Variants in HAUS6 observed in about 807,000 individuals in gnomAD.
HAUS6 encodes the protein HAUS augmin like complex subunit 6.
In HAUS6, 80 loss-of-function variants were observed where a neutral mutation model predicts 106.8. That is an observed-to-expected ratio of 0.75 (90% confidence interval 0.63 to 0.90). HAUS6 has a LOEUF of 0.90. HAUS6 is among the 40% of genes least tolerant of loss of function. The pLI, the probability that HAUS6 is intolerant of heterozygous loss-of-function variation, is 0.00. For missense variants in HAUS6, 1,155 were observed against 1,118.1 expected, an observed-to-expected ratio of 1.03 and a Z score of -0.47; for synonymous variants, 356 against 379.1, an observed-to-expected ratio of 0.94 and a Z score of 0.71.
intron 9 of HAUS6, among the ~76,000 whole-genome samples, chr9:19,079,831 A>C (rs112263657): frequency 0.12 from 18,204 of 151,040 alleles, 1,139 homozygotes; most frequent in South Asian, 0.17. Flanking sequence ...TGAACCCGGG[A>C]GATCACACCA....
chr9:19,071,366 C>T (rs989987119), intron 11 of HAUS6, among the ~76,000 whole-genome samples: 2 of 151,922 alleles, frequency 1.3e-5, no homozygotes, highest in South Asian at 2.1e-4. Flanking sequence ...AATTAGAAGT[C>T]CCAACAATAG....
intron 8 of HAUS6, among the ~76,000 whole-genome samples, chr9:19,081,725 C>T (rs996290472): frequency 6.6e-6 from 1 of 152,128 alleles, no homozygotes; most frequent in Non-Finnish European, 1.5e-5. Flanking sequence ...AGGTGTGAGC[C>T]ACCATACCCA....
intron 3 of HAUS6, among the ~76,000 whole-genome samples, chr9:19,093,558 A>G (rs1204522645): frequency 6.6e-6 from 1 of 152,174 alleles, no homozygotes; most frequent in Non-Finnish European, 1.5e-5. Context: ...TCATCACACT[A>G]TTTTTGAAGC....
intron 9 of HAUS6, among the ~76,000 whole-genome samples, chr9:19,078,815 A>C (rs977276922): frequency 6.8e-6 from 1 of 147,536 alleles, no homozygotes; most frequent in African/African-American, 2.5e-5. Context: ...AAAAATAAAT[A>C]AATAAATAAA....
At position 19,078,209 on chromosome 9, in the gene HAUS6, C is replaced by G; in HGVS notation, c.1158G>C (p.Leu386Phe). 1 of 1,604,626 alleles carries G rather than the reference C, an allele frequency of 6.2e-7. No homozygotes were observed. Among genetic ancestry groups the G allele is most frequent in the South Asian group, 1.1e-5 (1 of 90,768 alleles). Residue 386 changes from leucine (L) to phenylalanine (F), a missense_variant, in exon 10 of 17, where the codon TTG becomes TTC. By Grantham distance (22) the Leu-to-Phe change is conservative. Coordinates refer to ENST00000380502, the MANE Select transcript of HAUS6 (RefSeq NM_017645.5). ...WHKKWKEFLG[L>F]SPFSLIKGWT... ...AACCTTTAATTAGACTGAAAGGAGA[C>G]AAACCAAGAAATTCTTTCCACTTTT... is the stretch of plus-strand genomic sequence containing the variant.
rs1457540061 is a variant in HAUS6, at chr9:19,058,127, G to C, written c.2640C>G (p.Asn880Lys). The change falls in exon 16 of 17, where the codon AAC (asparagine) becomes AAG (lysine). Residue 880 changes from asparagine to lysine, a missense_variant. Asn to Lys is a moderately conservative substitution (Grantham distance 94). Transcript: ENST00000380502. ...PQNVQTDDTL[N>K]FLDTCDLHTE... ...TATGCAAATCACAGGTGTCCAAAAAGTTAAGCGTATCATCTGTTTGTACAT... is the reference window on the plus strand; with the variant it reads ...TATGCAAATCACAGGTGTCCAAAAACTTAAGCGTATCATCTGTTTGTACAT... 1.2e-6 allele frequency: 2 copies of C among 1,614,078 alleles called. No individual in the cohort carries two copies. Among genetic ancestry groups the C allele is most frequent in the South Asian group, 1.1e-5 (1 of 91,082 alleles).
rs1346898285 is a variant in HAUS6, at chr9:19,056,315, A to C, written c.*28T>G. 3 of 1,032,456 alleles carry C rather than the reference A, an allele frequency of 2.9e-6. No individual in the cohort carries two copies. The highest frequency in any genetic ancestry group is 4.6e-6 in the Non-Finnish European group (3 of 655,286). The allele number at this position is 1,032,456 out of a possible 1,614,324, so 64.0% of individuals were successfully genotyped here. Reference sequence around the variant, plus strand: ...TGTGGCATAGCTTCAATTTAAGTGCATCATAGTTATATTAAATGGGTACGT... The same window carrying C: ...TGTGGCATAGCTTCAATTTAAGTGCCTCATAGTTATATTAAATGGGTACGT... On this transcript the variant is annotated 3_prime_UTR_variant, in exon 17 of 17. Coordinates refer to ENST00000380502, the MANE Select transcript of HAUS6 (RefSeq NM_017645.5).
chr9:19,070,421 C>T lies in HAUS6; in HGVS notation c.1295-121G>A, dbSNP rs138056374. The T allele has an allele frequency of 1.5e-3, 927 of 629,832 alleles. 5 individuals are homozygous for T. The African/African-American group carries it at 0.016, about 11-fold the overall frequency. 39.0% of individuals were successfully genotyped at this position (629,832 alleles called of 1,614,324 possible). On this transcript the variant is annotated intron_variant, in intron 11 of 16. Coordinates refer to ENST00000380502, the MANE Select transcript of HAUS6 (RefSeq NM_017645.5). ...GAAAACAGAAAAACCAAAATATGAA[C>T]ACTAATAGGAAAACATAATTATTCA... is the stretch of plus-strand genomic sequence containing the variant.
At chr9:19,065,459 AG>A (rs1389364882) in intron 12 of HAUS6, among the ~76,000 whole-genome samples, 1 of 152,258 alleles carries the variant, frequency 6.6e-6, no homozygotes, top group Non-Finnish European at 1.5e-5. Flanking sequence ...AGTGTTACAA[AG>A]CTATTATCAA....
intron 1 of HAUS6, 49 bp from the exon 2 acceptor site, chr9:19,096,818 G>A: frequency 1.2e-6 from 1 of 850,882 alleles, no homozygotes; most frequent in Non-Finnish European, 1.9e-6. Context: ...AGGTTAATAA[G>A]CTAAACATCA....
At chr9:19,062,224 C>A (rs1452006850) in intron 14 of HAUS6, among the ~76,000 whole-genome samples, 2 of 152,138 alleles carry the variant, frequency 1.3e-5, no homozygotes, top group Non-Finnish European at 2.9e-5. Context: ...CATCTAATCA[C>A]TTCTGAAATA....
intron 14 of HAUS6, among the ~76,000 whole-genome samples, chr9:19,061,081 T>C (rs958459292): frequency 1.3e-5 from 2 of 152,222 alleles, no homozygotes; most frequent in Non-Finnish European, 2.9e-5. Flanking sequence ...GGAGAATCGC[T>C]TGAACCCGGG....
At position 19,082,751 on chromosome 9, in the gene HAUS6, CA is replaced by C. The variant is rs537493577; in HGVS notation, c.870+121del. The C allele has an allele frequency of 2.5e-3, 1,247 of 503,608 alleles. 8 individuals carry two copies. The highest frequency in any genetic ancestry group is 0.019 in the South Asian group (488 of 25,936). 31.2% of individuals were successfully genotyped at this position (503,608 alleles called of 1,614,324 possible). ...GGGCAATAAGAGCAAAATTCTGTCT[CA>C]AAAAAAAAACAAAAAACAAAAAACA... On this transcript the variant is annotated intron_variant, in intron 8 of 16. Transcript: ENST00000380502.
chr9:19,065,258 C>T (rs984309492), intron 12 of HAUS6, among the ~76,000 whole-genome samples: 15 of 152,212 alleles, frequency 9.9e-5, no homozygotes, highest in African/African-American at 3.6e-4. Flanking sequence ...CTGGCTCAGT[C>T]TTTATACTTC....
In HAUS6 at chr9:19,057,945, T is replaced by A; in HGVS notation, c.2806+16A>T. On this transcript the variant is annotated intron_variant, in intron 16 of 16. Transcript: ENST00000380502. ...ACTTCAACAGGTGAATATGCATAGGTCTATTTAAACCTTACCCTTTAAATT... is the reference window on the plus strand; with the variant it reads ...ACTTCAACAGGTGAATATGCATAGGACTATTTAAACCTTACCCTTTAAATT... 2.0e-6 allele frequency: 3 copies of A among 1,478,864 alleles called. No homozygotes were observed. In the East Asian group the frequency reaches 6.8e-5, roughly 33 times the overall value. 91.6% of individuals were successfully genotyped at this position (1,478,864 alleles called of 1,614,324 possible). A position where few individuals can be genotyped will look rare whatever the true frequency, so the allele number is the denominator to read the frequency against.
intron 4 of HAUS6, 35 bp downstream of exon 4, chr9:19,093,136 A>T: frequency 1.5e-6 from 2 of 1,378,786 alleles, no homozygotes; most frequent in South Asian, 1.3e-5. Context: ...AAATTTAAGA[A>T]TCAAAACAAA....
At chr9:19,099,582 G>A (rs1177196709) in intron 1 of HAUS6, among the ~76,000 whole-genome samples, 2 of 151,990 alleles carry the variant, frequency 1.3e-5, no homozygotes, top group African/African-American at 4.8e-5. Flanking sequence ...CTCCCACCTT[G>A]CCCTCCCATA....
intron 1 of HAUS6, among the ~76,000 whole-genome samples, chr9:19,102,175 A>C (rs1289093923): frequency 2.0e-5 from 3 of 151,710 alleles, no homozygotes; most frequent in Non-Finnish European, 4.4e-5. Flanking sequence ...TGTTTTGTAC[A>C]TATGGTTCCC....
At chr9:19,096,003 G>A (rs892948015) in intron 2 of HAUS6, among the ~76,000 whole-genome samples, 1 of 151,956 alleles carries the variant, frequency 6.6e-6, no homozygotes, top group African/African-American at 2.4e-5. Flanking sequence ...ACAGAGTACC[G>A]AGCAAAAAAA....
Sources: gnomAD v4.1 joint callset for allele counts (sites outside exome capture counted in the v4.1 genomes callset) on GRCh38, gnomAD v4.1.1 for gene constraint, MANE v1.5 for transcripts, NCBI Gene and HGNC (gene_info 2026-07-23, HGNC 2026-07-21) for gene names.